The following CADM3 variants were observed in gnomAD, a reference collection of about 807,000 sequenced individuals.
The protein encoded by CADM3 is cell adhesion molecule 3, also known as TSLC1-like 1.
CADM3 carries 11 observed loss-of-function variants against 44.9 expected under a neutral mutation model. The observed-to-expected ratio is 0.25, with a 90% CI of 0.15 to 0.41. The LOEUF (loss-of-function observed/expected upper bound fraction) is 0.41. CADM3 is among the 10% of genes least tolerant of loss of function. CADM3 has a pLI of 1.00. For synonymous variants in CADM3, 207 were observed against 205.2 expected (o/e 1.01, Z -0.08); for missense variants, 426 against 512.0 (o/e 0.83, Z 1.62).
chr1:159,202,795 G>A lies in CADM3; in HGVS notation c.*1873G>A, dbSNP rs995553468. 9 of 152,032 alleles carry A rather than the reference G, an allele frequency of 5.9e-5. No individual in the cohort carries two copies. Among genetic ancestry groups the A allele is most frequent in the Admixed American group, 1.3e-4 (2 of 15,266 alleles). The allele number at this position is 152,032 out of a possible 1,614,324, so 9.4% of individuals were successfully genotyped here. A position where few individuals can be genotyped will look rare whatever the true frequency, so the allele number is the denominator to read the frequency against. Reference sequence around the variant, plus strand: ...TGTGAATCTTCCAGCCGCTGGTTAGGGCCTTGGGCACCACAGGCAGCCCCT... The same window carrying A: ...TGTGAATCTTCCAGCCGCTGGTTAGAGCCTTGGGCACCACAGGCAGCCCCT... On this transcript the variant is annotated 3_prime_UTR_variant, in exon 9 of 9. Coordinates refer to ENST00000368125, the MANE Select transcript of CADM3 (RefSeq NM_001127173.3).
At chr1:159,188,792 C>T (rs2102116129) in intron 1 of CADM3, among the ~76,000 whole-genome samples, 1 of 152,244 alleles carries the variant, frequency 6.6e-6, no homozygotes, top group South Asian at 2.1e-4. Context: ...AATAGGCAGA[C>T]AGGTAGGGGT....
intron 7 of CADM3, among the ~76,000 whole-genome samples, chr1:159,199,112 C>T (rs1441922999): frequency 6.6e-6 from 1 of 152,044 alleles, no homozygotes; most frequent in African/African-American, 2.4e-5. Context: ...TCGTAAGGTG[C>T]TGTCAAAGTG....
chr1:159,188,189 T>C (rs1221573439), intron 1 of CADM3, among the ~76,000 whole-genome samples: 4 of 151,620 alleles, frequency 2.6e-5, no homozygotes, highest in Non-Finnish European at 4.4e-5. Flanking sequence ...AGAGTCCCAT[T>C]CCCATGCTAG....
rs1648807670 is a variant in CADM3 at position 159,171,756 on chromosome 1, G to C, written c.-10G>C. 2 of 1,235,016 alleles carry C rather than the reference G, an allele frequency of 1.6e-6. No individual in the cohort carries two copies. The highest frequency in any genetic ancestry group is 2.0e-6 in the Non-Finnish European group (2 of 989,268). The allele number at this position is 1,235,016 out of a possible 1,614,324, so 76.5% of individuals were successfully genotyped here. A position where few individuals can be genotyped will look rare whatever the true frequency, so the allele number is the denominator to read the frequency against. On this transcript the variant is annotated 5_prime_UTR_variant, in exon 1 of 9. Transcript: ENST00000368125. The stretch of plus-strand genomic sequence containing the variant: ...CCAGCGCCCAGCCAGGGAGCCGGCC[G>C]GGAAGCGCGATGGGGGCCCCAGCCG...
chr1:159,192,126 G>C, intron 2 of CADM3, 50 bp downstream of exon 2: 2 of 1,590,352 alleles, frequency 1.3e-6, no homozygotes, highest in Non-Finnish European at 1.7e-6. Context: ...GGCTAGAGAA[G>C]GGGACTGCAG....
chr1:159,193,240 G>A (rs188491033), intron 3 of CADM3, among the ~76,000 whole-genome samples, 183 bp from the exon 4 acceptor site: 27 of 152,230 alleles, frequency 1.8e-4, no homozygotes, highest in East Asian at 1.2e-3. Context: ...GCTGTCTCCC[G>A]CAGGCCTTCC....
intron 1 of CADM3, among the ~76,000 whole-genome samples, chr1:159,181,697 A>G (rs1649233949): frequency 6.6e-6 from 1 of 152,170 alleles, no homozygotes; most frequent in African/African-American, 2.4e-5. Flanking sequence ...GCTACAACTC[A>G]GTATTGGCTA....
intron 7 of CADM3, among the ~76,000 whole-genome samples, chr1:159,199,315 AAAAG>A (rs1215187493): frequency 2.0e-5 from 3 of 151,714 alleles, no homozygotes; most frequent in Admixed American, 6.6e-5. Context: ...AAAGAGGGAG[AAAAG>A]AAAGAAGGAA....
chr1:159,193,292 A>T, intron 3 of CADM3, 131 bp from the exon 4 acceptor site: 2 of 987,244 alleles, frequency 2.0e-6, no homozygotes, highest in Non-Finnish European at 1.5e-6. Context: ...AAGATGATTT[A>T]TCTAGTCTTC....
chr1:159,172,882 G>A (rs1443137898), intron 1 of CADM3, among the ~76,000 whole-genome samples: 2 of 152,098 alleles, frequency 1.3e-5, no homozygotes, highest in Admixed American at 6.5e-5. Flanking sequence ...GGCTACTAAC[G>A]GTTAGTGGGA....
chr1:159,172,467 G>A (rs1225600727), intron 1 of CADM3, among the ~76,000 whole-genome samples: 1 of 152,104 alleles, frequency 6.6e-6, no homozygotes, highest in Admixed American at 6.5e-5. Flanking sequence ...CCTTATCCTT[G>A]GAGCAAAACA....
At chr1:159,199,247 G>A (rs1255732111) in intron 7 of CADM3, among the ~76,000 whole-genome samples, 1 of 151,738 alleles carries the variant, frequency 6.6e-6, no homozygotes, top group Non-Finnish European at 1.5e-5. Context: ...CAGACAGGAG[G>A]GTAAGAGGGA....
At chr1:159,192,113 A>G (rs367682147) in intron 2 of CADM3, 37 bp downstream of exon 2, 63 of 1,609,196 alleles carry the variant, frequency 3.9e-5, no homozygotes, top group East Asian at 2.2e-4. Flanking sequence ...CGTGAAAACC[A>G]TGGGCTAGAG....
intron 8 of CADM3, among the ~76,000 whole-genome samples, chr1:159,200,499 C>A (rs1650124704): frequency 6.7e-6 from 1 of 148,734 alleles, no homozygotes; most frequent in African/African-American, 2.5e-5. Context: ...TGCATACACA[C>A]ACACACGCAT....
chr1:159,177,379 G>T (rs1344064177), intron 1 of CADM3, among the ~76,000 whole-genome samples: 1 of 152,136 alleles, frequency 6.6e-6, no homozygotes, highest in East Asian at 1.9e-4. Flanking sequence ...CTGTGCTTGA[G>T]AGCTGGCTGC....
intron 1 of CADM3, among the ~76,000 whole-genome samples, chr1:159,186,734 G>A (rs147699173): frequency 7.2e-5 from 11 of 152,182 alleles, no homozygotes; most frequent in South Asian, 2.1e-4. Flanking sequence ...ACTTTCAAGC[G>A]TATTAAGAGA....
chr1:159,199,985 A>G (rs1198477699), intron 8 of CADM3, 109 bp downstream of exon 8: 26 of 1,369,210 alleles, frequency 1.9e-5, no homozygotes, highest in Non-Finnish European at 2.5e-5. Flanking sequence ...GAGACTTGTC[A>G]GCCCTTTGGA....
intron 1 of CADM3, among the ~76,000 whole-genome samples, chr1:159,189,218 G>A (rs1488498735): frequency 6.6e-6 from 1 of 152,176 alleles, no homozygotes; most frequent in Non-Finnish European, 1.5e-5. Context: ...CCCTGGGCGA[G>A]TCATTTCATT....
intron 8 of CADM3, 29 bp downstream of exon 8, chr1:159,199,905 A>G (rs1487007687): frequency 6.2e-7 from 1 of 1,610,414 alleles, no homozygotes; most frequent in Non-Finnish European, 8.5e-7. Context: ...GCATCAGCAG[A>G]ACTTGGGAGG....
Sources: gnomAD v4.1 joint callset for allele counts (sites outside exome capture counted in the v4.1 genomes callset) on GRCh38, gnomAD v4.1.1 for gene constraint, MANE v1.5 for transcripts, NCBI Gene and HGNC (gene_info 2026-07-23, HGNC 2026-07-21) for gene names.